MEIOC: variants seen among roughly 807,000 people sequenced by gnomAD.
The protein encoded by MEIOC is meiosis specific with coiled-coil domain.
A neutral mutation model predicts 85.3 loss-of-function variants in MEIOC; 9 were observed. That is an observed-to-expected ratio of 0.11 (90% CI 0.06 to 0.18). The LOEUF (loss-of-function observed/expected upper bound fraction) is 0.18, where lower values mean the gene tolerates loss of function less well. Ranked by LOEUF, MEIOC falls within the 10% of genes least tolerant of loss-of-function variation. MEIOC has a pLI of 1.00. For synonymous variants in MEIOC, 365 were observed against 393.7 expected (o/e 0.93, Z 0.86); for missense variants, 898 against 1,129.4 (o/e 0.80, Z 2.94).
intron 6 of MEIOC, among the ~76,000 whole-genome samples, chr17:44,672,418 G>C (rs935039623): frequency 6.6e-6 from 1 of 152,144 alleles, no homozygotes; most frequent in Non-Finnish European, 1.5e-5. Context: ...ACACAGTTGA[G>C]AGGAAAATAT....
At chr17:44,676,784 T>C (rs547574856), downstream of MEIOC, among the ~76,000 whole-genome samples, 4 of 152,264 alleles carry the variant, frequency 2.6e-5, no homozygotes, top group East Asian at 5.8e-4. Flanking sequence ...ATGGCGCCAC[T>C]GCACTCCAGC....
chr17:44,660,647 T>A (rs1483047567), intron 2 of MEIOC, among the ~76,000 whole-genome samples: 1 of 152,256 alleles, frequency 6.6e-6, no homozygotes, highest in Non-Finnish European at 1.5e-5. Flanking sequence ...TCTGGAGAGT[T>A]AAAAATTTTG....
At chr17:44,661,905 TA>T (rs1971847877) in intron 2 of MEIOC, among the ~76,000 whole-genome samples, 1 of 152,172 alleles carries the variant, frequency 6.6e-6, no homozygotes, top group South Asian at 2.1e-4. Flanking sequence ...ACATAATGCT[TA>T]TCTATTCAAA....
intron 6 of MEIOC, among the ~76,000 whole-genome samples, chr17:44,671,712 C>T (rs1396192715): frequency 6.6e-6 from 1 of 151,924 alleles, no homozygotes; most frequent in Non-Finnish European, 1.5e-5. Flanking sequence ...CAAGACCATC[C>T]TGGCTAACAC....
At position 44,674,161 on chromosome 17, in the gene MEIOC, C is replaced by G; in HGVS notation, c.2824C>G (p.Pro942Ala). 6.4e-7 allele frequency: 1 copy of G among 1,551,376 alleles called. No homozygotes were observed. The change falls in exon 8 of 8, where the codon CCA becomes GCA. Residue 942 changes from proline to alanine, a missense_variant. By Grantham distance (27) the Pro-to-Ala change is conservative. Around this residue, in one of 2 missense-constraint regions of MEIOC, gnomAD observed 164 missense variants for 269.2 expected, o/e 0.61. Transcript: ENST00000409122. ...KVHESINSSNPMNQRGETNKH is the reference protein window; with the variant it reads ...KVHESINSSNAMNQRGETNKH ...CCATGAAAGCATAAATAGTAGCAATCCAATGAACCAGAGAGGTGAAACAAA... is the reference window on the plus strand; with the variant it reads ...CCATGAAAGCATAAATAGTAGCAATGCAATGAACCAGAGAGGTGAAACAAA...
In MEIOC at chr17:44,657,117, T is replaced by G. The variant is rs1315885532; in HGVS notation, c.70-10T>G. On this transcript the variant is annotated splice_polypyrimidine_tract_variant and intron_variant, in intron 1 of 7. Transcript: ENST00000409122. ...CACTTTCTGATATTTCCTATTCCCG[T>G]GTGCTGCAGCCCAAAGTCGCGTTCC... is the stretch of plus-strand genomic sequence containing the variant. 1 of 1,547,712 alleles carries G rather than the reference T, an allele frequency of 6.5e-7. No individual in the cohort carries two copies. The highest frequency in any genetic ancestry group is 8.7e-7 in the Non-Finnish European group (1 of 1,146,208).
intron 6 of MEIOC, among the ~76,000 whole-genome samples, chr17:44,672,836 A>G (rs367664834): frequency 1.3e-5 from 2 of 152,322 alleles, no homozygotes; most frequent in East Asian, 3.9e-4. Context: ...TGTAAATTTA[A>G]ATCAGTATTT....
chr17:44,675,477 G>C lies in MEIOC; in HGVS notation c.*1281G>C. 3.1e-6 allele frequency: 3 copies of C among 957,180 alleles called. No individual in the cohort carries two copies. The South Asian group carries it at 1.4e-4, about 46-fold the overall frequency. The allele number at this position is 957,180 out of a possible 1,614,324, so 59.3% of individuals were successfully genotyped here. The stretch of plus-strand genomic sequence containing the variant: ...GACTAGAAACACTGATGTTTTAAAT[G>C]TTAGTGTTTTTCTTAGTTTTAGAAA... On this transcript the variant is annotated 3_prime_UTR_variant, in exon 8 of 8. Transcript: ENST00000409122.
chr17:44,667,240 G>A lies in MEIOC; in HGVS notation c.1329G>A (p.Gln443=). Residue 443 remains glutamine (Q), a synonymous_variant, in exon 5 of 8, where the codon CAG becomes CAA. Coordinates refer to ENST00000409122, the MANE Select transcript of MEIOC (RefSeq NM_001145080.3). The stretch of plus-strand genomic sequence containing the variant: ...TTGCTAACGTCACAGAAAAGCAACA[G>A]TTTGCTAAACCTGATCCCCCACATT... ...NDFANVTEKQ[Q]FAKPDPPHSE... The A allele has an allele frequency of 6.2e-7, 1 of 1,613,784 alleles. No individual in the cohort carries two copies. The highest frequency in any genetic ancestry group is 8.5e-7 in the Non-Finnish European group (1 of 1,179,868).
At position 44,674,293 on chromosome 17, in the gene MEIOC, T is replaced by C. The variant is rs1972047268; in HGVS notation, c.*97T>C. On this transcript the variant is annotated 3_prime_UTR_variant, in exon 8 of 8. Transcript: ENST00000409122. ...CTTGTCAAACTTTCAGTATGTTTTC[T>C]TTCAGATTTAAAGTTAATACCAGTA... 1 of 1,449,654 alleles carries C rather than the reference T, an allele frequency of 6.9e-7. No homozygotes were observed. Among genetic ancestry groups the C allele is most frequent in the South Asian group, 1.5e-5 (1 of 67,642 alleles). 89.8% of individuals were successfully genotyped at this position (1,449,654 alleles called of 1,614,324 possible).
chr17:44,671,909 A>AG (rs1159133741), intron 6 of MEIOC, among the ~76,000 whole-genome samples: 4 of 42,898 alleles, frequency 9.3e-5, no homozygotes, highest in Admixed American at 3.2e-4. Flanking sequence ...CCGTCTCAAA[A>AG]GAAAAAAAAA....
intron 3 of MEIOC, among the ~76,000 whole-genome samples, chr17:44,664,403 T>C (rs1375454105): frequency 6.6e-6 from 1 of 151,682 alleles, no homozygotes; most frequent in Non-Finnish European, 1.5e-5. Flanking sequence ...AACCAACAAA[T>C]AGATGTACAG....
In MEIOC at chr17:44,667,811, T is replaced by C. The variant is rs1426188975; in HGVS notation, c.1900T>C (p.Tyr634His). 1.9e-6 allele frequency: 3 copies of C among 1,613,798 alleles called. No individual in the cohort carries two copies. The African/African-American group carries it at 4.0e-5, about 22-fold the overall frequency. ...TTTAGATGGCTTATCACAAAATACA[T>C]ACCAAGATCTACTGGAGTCACAGGG... ...KHLDGLSQNTYQDLLESQGHS... is the reference protein window; with the variant it reads ...KHLDGLSQNTHQDLLESQGHS... The change falls in exon 5 of 8, where the codon TAC becomes CAC. Residue 634 changes from tyrosine to histidine, a missense_variant. By Grantham distance (83) the Tyr-to-His change is moderately conservative. Transcript: ENST00000409122.
At position 44,667,120 on chromosome 17, in the gene MEIOC, G is replaced by A; in HGVS notation, c.1209G>A (p.Glu403=). The A allele has an allele frequency of 6.2e-7, 1 of 1,613,884 alleles. No homozygotes were observed. Among genetic ancestry groups the A allele is most frequent in the Non-Finnish European group, 8.5e-7 (1 of 1,179,856 alleles). Residue 403 remains glutamate (E), a synonymous_variant, in exon 5 of 8, where the codon GAG becomes GAA. Coordinates refer to ENST00000409122, the MANE Select transcript of MEIOC (RefSeq NM_001145080.3). ...TFPKTTPHLT[E]KQFAKEAVFT... is the part of the protein sequence containing the mutation. ...CAAAAACTACGCCACATCTGACAGAGAAACAGTTTGCAAAGGAAGCAGTAT... is the reference window on the plus strand; with the variant it reads ...CAAAAACTACGCCACATCTGACAGAAAAACAGTTTGCAAAGGAAGCAGTAT...
chr17:44,676,963 G>A (rs1972084772), downstream of MEIOC: 2 of 984,518 alleles, frequency 2.0e-6, no homozygotes, highest in Non-Finnish European at 2.4e-6. Flanking sequence ...TAGTTTGAGA[G>A]TATACTTAAC....
intron 6 of MEIOC, 28 bp downstream of exon 6, chr17:44,669,545 A>G: frequency 6.5e-7 from 1 of 1,550,238 alleles, no homozygotes; most frequent in Non-Finnish European, 8.7e-7. Flanking sequence ...ATAACAGTGG[A>G]TGGATTTTTT....
At chr17:44,668,262 A>G in intron 5 of MEIOC, 29 bp downstream of exon 5, 1 of 1,548,574 alleles carries the variant, frequency 6.5e-7, no homozygotes, top group East Asian at 2.2e-5. Context: ...CTTAGGAATA[A>G]CAGTATGTTC....
At chr17:44,663,029 CT>C (rs1358024663) in intron 3 of MEIOC, among the ~76,000 whole-genome samples, 1 of 152,158 alleles carries the variant, frequency 6.6e-6, no homozygotes, top group African/African-American at 2.4e-5. Context: ...GTTCTTCTTT[CT>C]AAAGATGACT....
intron 2 of MEIOC, 108 bp downstream of exon 2, chr17:44,657,369 C>A: frequency 1.0e-5 from 9 of 900,054 alleles, no homozygotes; most frequent in Non-Finnish European, 1.3e-5. Context: ...AAGAGAAAAC[C>A]AGGGAAAACT....
Sources: allele counts gnomAD v4.1 joint callset (sites outside exome capture counted in the v4.1 genomes callset), GRCh38; gene constraint gnomAD v4.1.1; regional missense constraint gnomAD v4.1.1; transcripts MANE v1.5; gene names NCBI Gene and HGNC (gene_info 2026-07-23, HGNC 2026-07-21).